Variants in DNAI1 observed in about 807,000 individuals in gnomAD.
DNAI1 encodes the protein dynein, axonemal, intermediate polypeptide 1.
DNAI1 carries 67 observed loss-of-function variants against 92.0 expected under a neutral mutation model. The ratio of observed to expected loss-of-function variants is 0.73; its 90% CI spans 0.60 to 0.89. The LOEUF (loss-of-function observed/expected upper bound fraction) is 0.89. Among genes scored for constraint, DNAI1 ranks in the 40% least tolerant of loss-of-function variants. The pLI is 0.00. For synonymous variants in DNAI1, 323 were observed against 319.6 expected (o/e 1.01, Z -0.11); for missense variants, 839 against 866.6 (o/e 0.97, Z 0.40).
Position 34,500,900 on chromosome 9 carries a change from C to T in DNAI1, c.1019+61C>T. 3.0e-6 allele frequency: 4 copies of T among 1,325,348 alleles called. No individual in the cohort carries two copies. The South Asian group carries it at 4.7e-5, about 16-fold the overall frequency. The allele number at this position is 1,325,348 out of a possible 1,614,324, so 82.1% of individuals were successfully genotyped here. A position where few individuals can be genotyped will look rare whatever the true frequency, so the allele number is the denominator to read the frequency against. ...GAGTGCCCTCTACATCCCAAACCCC[C>T]AGTACCCCCTTCTGCACTTAACCAC... is the stretch of plus-strand genomic sequence containing the variant. On this transcript the variant is annotated intron_variant, in intron 11 of 19. Coordinates refer to ENST00000242317, the MANE Select transcript of DNAI1 (RefSeq NM_012144.4).
intron 11 of DNAI1, 119 bp from the exon 12 acceptor site, chr9:34,501,019 C>A: frequency 9.7e-7 from 1 of 1,026,776 alleles, no homozygotes; most frequent in Non-Finnish European, 1.5e-6. Context: ...TGGTGAGGGC[C>A]TAAGCTGGAG....
At chr9:34,480,398 C>T (rs1382570200) in intron 1 of DNAI1, among the ~76,000 whole-genome samples, 1 of 150,852 alleles carries the variant, frequency 6.6e-6, no homozygotes, top group Non-Finnish European at 1.5e-5. Context: ...TTGCCTCAGC[C>T]GCTTGAATAG....
At chr9:34,516,772 C>A (rs1400142917) in intron 18 of DNAI1, among the ~76,000 whole-genome samples, 1 of 144,510 alleles carries the variant, frequency 6.9e-6, no homozygotes, top group Non-Finnish European at 1.5e-5. Flanking sequence ...GACAAGATCT[C>A]ACTCTTGCCC....
intron 1 of DNAI1, among the ~76,000 whole-genome samples, chr9:34,471,166 C>T (rs569745897): frequency 1.3e-5 from 2 of 152,134 alleles, no homozygotes; most frequent in South Asian, 4.1e-4. Context: ...GTGGCTCATG[C>T]CTGTAATCCC....
intron 9 of DNAI1, among the ~76,000 whole-genome samples, chr9:34,496,346 C>G (rs1824725362): frequency 6.6e-6 from 1 of 152,226 alleles, no homozygotes; most frequent in Non-Finnish European, 1.5e-5. Flanking sequence ...GGAGGGCTGC[C>G]CATTCAGCTG....
intron 1 of DNAI1, among the ~76,000 whole-genome samples, chr9:34,471,630 C>G (rs141057531): frequency 6.6e-6 from 1 of 151,774 alleles, no homozygotes; most frequent in Non-Finnish European, 1.5e-5. Flanking sequence ...ATTAGCCAGG[C>G]GTGGTGGTGG....
chr9:34,509,827 A>G (rs151138616), intron 13 of DNAI1, among the ~76,000 whole-genome samples: 25 of 152,046 alleles, frequency 1.6e-4, no homozygotes, highest in African/African-American at 6.0e-4. Flanking sequence ...AGGAGTGAGA[A>G]ATGGCAGAAG....
At chr9:34,485,301 T>G in intron 3 of DNAI1, 61 bp downstream of exon 3, 3 of 1,607,686 alleles carry the variant, frequency 1.9e-6, no homozygotes, top group Non-Finnish European at 2.6e-6. Context: ...AGATGTGTTC[T>G]TCCATAGTAC....
chr9:34,491,050 A>G (rs1200517405), intron 7 of DNAI1, among the ~76,000 whole-genome samples: 1 of 152,196 alleles, frequency 6.6e-6, no homozygotes, highest in East Asian at 1.9e-4. Flanking sequence ...TCCCTATGCT[A>G]ACATTTGGTA....
chr9:34,481,886 C>T (rs1824365056), intron 1 of DNAI1, among the ~76,000 whole-genome samples: 1 of 152,182 alleles, frequency 6.6e-6, no homozygotes, highest in African/African-American at 2.4e-5. Context: ...AACAAAGATT[C>T]CACAGTGTGG....
At chr9:34,473,539 G>A (rs1035588945) in intron 1 of DNAI1, among the ~76,000 whole-genome samples, 8 of 152,054 alleles carry the variant, frequency 5.3e-5, no homozygotes, top group African/African-American at 1.4e-4. Context: ...TGATCCACCC[G>A]CCTTGGCCTC....
At position 34,500,834 on chromosome 9, in the gene DNAI1, C is replaced by T; in HGVS notation, c.1014C>T (p.Leu338=). ...DKAKRLSVTA[L]CWNPKYRDLF... is the part of the protein sequence containing the mutation. ...CCAAGCGCCTGTCCGTCACTGCCCT[C>T]TGCTGGTAAGTATAGGCATTGCAGC... The change falls in exon 11 of 20, where the codon CTC becomes CTT. Residue 338 remains leucine (L), a synonymous_variant. Coordinates refer to ENST00000242317, the MANE Select transcript of DNAI1 (RefSeq NM_012144.4). 4 of 1,613,196 alleles carry T rather than the reference C, an allele frequency of 2.5e-6. No homozygotes were observed. The highest frequency in any genetic ancestry group is 3.4e-6 in the Non-Finnish European group (4 of 1,179,138).
At chr9:34,503,302 A>G (rs1242471947) in intron 12 of DNAI1, among the ~76,000 whole-genome samples, 1 of 152,166 alleles carries the variant, frequency 6.6e-6, no homozygotes, top group Admixed American at 6.5e-5. Flanking sequence ...GAGTGCCTCC[A>G]TGGGAGAAAG....
chr9:34,477,139 C>T (rs555929681), intron 1 of DNAI1, among the ~76,000 whole-genome samples: 191 of 152,158 alleles, frequency 1.3e-3, no homozygotes, highest in African/African-American at 4.3e-3. Flanking sequence ...CCTCAGCCTC[C>T]CAAGTAGCTG....
At chr9:34,512,826 T>G (rs1002275642) in intron 15 of DNAI1, among the ~76,000 whole-genome samples, 11 of 152,228 alleles carry the variant, frequency 7.2e-5, no homozygotes, top group Non-Finnish European at 8.8e-5. Context: ...ACCCTGACCC[T>G]GACCCTGTTT....
At chr9:34,496,356 G>A (rs1381499795) in intron 9 of DNAI1, among the ~76,000 whole-genome samples, 1 of 152,212 alleles carries the variant, frequency 6.6e-6, no homozygotes, top group Non-Finnish European at 1.5e-5. Context: ...CCATTCAGCT[G>A]GCTCACTCCT....
chr9:34,503,365 A>G (rs776121723), intron 12 of DNAI1, among the ~76,000 whole-genome samples: 1 of 152,156 alleles, frequency 6.6e-6, no homozygotes, highest in Non-Finnish European at 1.5e-5. Context: ...TGGGGTCACT[A>G]TGAGGAGCAG....
At chr9:34,488,458 C>T (rs1230109003) in intron 4 of DNAI1, 1 of 153,168 alleles carries the variant, frequency 6.5e-6, no homozygotes, top group African/African-American at 2.4e-5. Flanking sequence ...ATCTGTGCAA[C>T]TGGACCCCAT....
rs112384499 is a variant in DNAI1, at chr9:34,494,543, G to T, written c.816+1215G>T. ...GGGTTCACATGAAGATCCATCAGGG[G>T]TTATAAGCTCTGTACTGGGACCCAT... On this transcript the variant is annotated intron_variant, in intron 9 of 19. Coordinates refer to ENST00000242317, the MANE Select transcript of DNAI1 (RefSeq NM_012144.4). Among the ~76,000 whole-genome samples the T allele has an allele frequency of 6.3e-3, 957 of 152,298 alleles. 11 individuals are homozygous for T. Among genetic ancestry groups the T allele is most frequent in the Middle Eastern group, 0.014 (4 of 294 alleles).
Sources: allele counts gnomAD v4.1 joint callset (sites outside exome capture counted in the v4.1 genomes callset), GRCh38; gene constraint gnomAD v4.1.1; transcripts MANE v1.5; gene names NCBI Gene and HGNC (gene_info 2026-07-23, HGNC 2026-07-21).